Variants in PTPRN2 observed in about 807,000 individuals in gnomAD.
PTPRN2 encodes protein tyrosine phosphatase receptor type N2.
Under a neutral mutation model 118.8 loss-of-function variants are expected in PTPRN2, and 74 were observed. The ratio of observed to expected loss-of-function variants is 0.62; its 90% confidence interval spans 0.52 to 0.76. The LOEUF is 0.76. Among genes scored for constraint, PTPRN2 ranks in the 30% least tolerant of loss-of-function variants. The probability of loss-of-function intolerance (pLI) is 0.00; values close to 1 mark genes in which losing one functional copy is unlikely to be tolerated. For synonymous variants in PTPRN2, 641 were observed against 608.0 expected, an observed-to-expected ratio of 1.05 and a Z score of -0.80; for missense variants, 1,481 against 1,394.4, an observed-to-expected ratio of 1.06 and a Z score of -0.99.
chr7:157,837,425 GT>G (rs1327235953), intron 12 of PTPRN2, among the ~76,000 whole-genome samples: 1 of 151,730 alleles, frequency 6.6e-6, no homozygotes, highest in African/African-American at 2.4e-5. Context: ...CATGGGGGAT[GT>G]AGTGTCTGAT....
intron 11 of PTPRN2, among the ~76,000 whole-genome samples, chr7:158,055,823 ACTGGT>A (rs1246980049): frequency 6.6e-6 from 1 of 151,830 alleles, no homozygotes; most frequent in Non-Finnish European, 1.5e-5. Flanking sequence ...CCGGGCTACT[ACTGGT>A]CTCCGTGACT....
intron 14 of PTPRN2, among the ~76,000 whole-genome samples, chr7:157,641,334 T>C (rs1368591885): frequency 6.6e-6 from 1 of 152,166 alleles, no homozygotes; most frequent in Non-Finnish European, 1.5e-5. Context: ...ATGCAGGGCA[T>C]ATGTAAGGCA....
chr7:158,569,397 G>A (rs1563443425), intron 1 of PTPRN2, among the ~76,000 whole-genome samples: 1 of 152,252 alleles, frequency 6.6e-6, no homozygotes, highest in Non-Finnish European at 1.5e-5. Flanking sequence ...CACAGGACGA[G>A]GGCCAGACCC....
intron 12 of PTPRN2, among the ~76,000 whole-genome samples, chr7:157,837,091 A>G (rs1283580663): frequency 3.9e-4 from 43 of 111,360 alleles, no homozygotes; most frequent in African/African-American, 1.4e-3. Flanking sequence ...CCACCCACCC[A>G]TCCACCCACC....
intron 2 of PTPRN2, among the ~76,000 whole-genome samples, chr7:158,350,956 G>A (rs755736351): frequency 2.0e-5 from 3 of 152,242 alleles, no homozygotes; most frequent in South Asian, 4.2e-4. Context: ...AATCCCACCC[G>A]GCACACCTGT....
intron 12 of PTPRN2, among the ~76,000 whole-genome samples, chr7:157,694,764 TTTTTC>T (rs1265851581): frequency 6.8e-6 from 1 of 147,106 alleles, no homozygotes; most frequent in Non-Finnish European, 1.6e-5. Context: ...GATTTTTTCT[TTTTTC>T]TTTTTTTTTT....
At chr7:157,871,302 A>G (rs1245622249) in intron 12 of PTPRN2, among the ~76,000 whole-genome samples, 1 of 152,158 alleles carries the variant, frequency 6.6e-6, no homozygotes, top group Non-Finnish European at 1.5e-5. Context: ...TCTGGGGTGA[A>G]CCAGCAACCT....
At chr7:157,999,884 T>A (rs200184682) in intron 11 of PTPRN2, among the ~76,000 whole-genome samples, 12 of 152,112 alleles carry the variant, frequency 7.9e-5, no homozygotes, top group Middle Eastern at 3.4e-3. Context: ...TTTTTTTTTT[T>A]ATTTTTCATT....
intron 2 of PTPRN2, among the ~76,000 whole-genome samples, chr7:158,344,014 A>G (rs886671284): frequency 2.6e-5 from 4 of 152,024 alleles, no homozygotes; most frequent in African/African-American, 9.7e-5. Flanking sequence ...AGACCCAGAA[A>G]CTCACATTCA....
chr7:158,484,942 G>A (rs1030066637), intron 2 of PTPRN2, among the ~76,000 whole-genome samples: 5 of 152,310 alleles, frequency 3.3e-5, no homozygotes, highest in Non-Finnish European at 7.4e-5. Flanking sequence ...TGCAGGAGGA[G>A]CCTCCCCACC....
At chr7:158,221,005 G>A (rs1828322372) in intron 3 of PTPRN2, among the ~76,000 whole-genome samples, 1 of 152,020 alleles carries the variant, frequency 6.6e-6, no homozygotes, top group African/African-American at 2.4e-5. Flanking sequence ...CATGGTACTG[G>A]TACAAAAACA....
At chr7:157,799,529 C>T (rs150223516) in intron 12 of PTPRN2, among the ~76,000 whole-genome samples, 329 of 152,242 alleles carry the variant, frequency 2.2e-3, no homozygotes, top group Non-Finnish European at 3.7e-3. Flanking sequence ...CAGGTCCTGC[C>T]CCAGCTCCAT....
At chr7:157,768,216 G>T (rs921663481) in intron 12 of PTPRN2, among the ~76,000 whole-genome samples, 3 of 152,212 alleles carry the variant, frequency 2.0e-5, no homozygotes, top group Non-Finnish European at 4.4e-5. Flanking sequence ...CAGATTGCTG[G>T]AATATCAAAT....
intron 3 of PTPRN2, among the ~76,000 whole-genome samples, chr7:158,261,979 G>A (rs894119282): frequency 6.6e-6 from 1 of 152,098 alleles, no homozygotes; most frequent in African/African-American, 2.4e-5. Flanking sequence ...CCCTCCTCCC[G>A]CGGTGACTGT....
chr7:158,144,050 G>C (rs1819646954), intron 6 of PTPRN2, among the ~76,000 whole-genome samples: 1 of 152,212 alleles, frequency 6.6e-6, no homozygotes, highest in African/African-American at 2.4e-5. Flanking sequence ...GTTTGGGACA[G>C]AGTTCCATTA....
chr7:157,968,388 C>T (rs1386244481), intron 11 of PTPRN2, among the ~76,000 whole-genome samples: 1 of 152,152 alleles, frequency 6.6e-6, no homozygotes, highest in East Asian at 1.9e-4. Flanking sequence ...GCATCGTCTG[C>T]AGTAAGTGAG....
chr7:158,522,878 G>A (rs560024105), intron 1 of PTPRN2, among the ~76,000 whole-genome samples: 4 of 152,302 alleles, frequency 2.6e-5, no homozygotes, highest in African/African-American at 7.2e-5. Context: ...TGTGGCAGAT[G>A]TGGAGCTGGA....
At chr7:157,894,998 G>A (rs1584968516) in intron 12 of PTPRN2, among the ~76,000 whole-genome samples, 3 of 152,188 alleles carry the variant, frequency 2.0e-5, no homozygotes, top group Admixed American at 1.3e-4. Flanking sequence ...TCCCTGCTGA[G>A]GGTAAGCTCA....
intron 2 of PTPRN2, among the ~76,000 whole-genome samples, chr7:158,419,757 T>C (rs982886232): frequency 6.6e-6 from 1 of 152,134 alleles, no homozygotes; most frequent in South Asian, 2.1e-4. Flanking sequence ...ACGTGATGTC[T>C]GACCGGACTC....
Sources: gnomAD v4.1 joint callset for allele counts (sites outside exome capture counted in the v4.1 genomes callset) on GRCh38, gnomAD v4.1.1 for gene constraint, MANE v1.5 for transcripts, NCBI Gene and HGNC (gene_info 2026-07-23, HGNC 2026-07-21) for gene names.